The following DNAJB6 variants were observed in gnomAD, a reference collection of about 807,000 sequenced individuals.
The protein encoded by DNAJB6 is DnaJ heat shock protein family (Hsp40) member B6, also known as dnaJ homolog subfamily B member 6.
DNAJB6 carries 16 observed loss-of-function variants against 42.7 expected under a neutral mutation model. That is an observed-to-expected ratio of 0.37 (90% CI 0.25 to 0.57). The LOEUF is 0.57. Among genes scored for constraint, DNAJB6 ranks in the 20% least tolerant of loss-of-function variants. The pLI is 0.74. For synonymous variants in DNAJB6, 170 were observed against 163.5 expected (o/e 1.04, Z -0.30); for missense variants, 347 against 416.8 (o/e 0.83, Z 1.46).
At chr7:157,344,672 T>A (rs1463486929) in intron 1 of DNAJB6, among the ~76,000 whole-genome samples, 2 of 152,328 alleles carry the variant, frequency 1.3e-5, no homozygotes, top group Admixed American at 6.5e-5. Flanking sequence ...TGGAGGGCAT[T>A]GGTGCGTTCA....
chr7:157,412,837 C>A (rs1402287594), intron 9 of DNAJB6: 1 of 152,294 alleles, frequency 6.6e-6, no homozygotes, highest in African/African-American at 2.4e-5. Context: ...AGGTGTGCAG[C>A]CCCCAGGCCT....
intron 1 of DNAJB6, among the ~76,000 whole-genome samples, chr7:157,355,322 G>T (rs1041365328): frequency 6.6e-6 from 1 of 152,140 alleles, no homozygotes. Context: ...CACCTCTCTT[G>T]GCTAATTTTT....
chr7:157,344,343 C>T (rs1250063042), intron 1 of DNAJB6, among the ~76,000 whole-genome samples: 3 of 150,148 alleles, frequency 2.0e-5, no homozygotes, highest in Non-Finnish European at 4.4e-5. Flanking sequence ...GAGTGAGACT[C>T]CGTCTCAAAA....
chr7:157,378,271 C>T (rs1800572246), intron 5 of DNAJB6: 1 of 152,182 alleles, frequency 6.6e-6, no homozygotes, highest in Non-Finnish European at 1.5e-5. Context: ...AAGTTGGTAG[C>T]ACATTTGATT....
intron 8 of DNAJB6, among the ~76,000 whole-genome samples, chr7:157,387,061 C>T (rs551481159): frequency 6.6e-6 from 1 of 152,294 alleles, no homozygotes; most frequent in South Asian, 2.1e-4. Context: ...GAAGGACAGG[C>T]GGTTCCCTGA....
chr7:157,407,557 C>T (rs751835127), intron 8 of DNAJB6, among the ~76,000 whole-genome samples: 3 of 152,114 alleles, frequency 2.0e-5, no homozygotes, highest in African/African-American at 7.2e-5. Context: ...CTGCTGTGTG[C>T]GTGGGTCCCT....
intron 1 of DNAJB6, among the ~76,000 whole-genome samples, chr7:157,340,964 C>CTGTGTG (rs35976329): frequency 1.2e-3 from 170 of 146,194 alleles, no homozygotes; most frequent in South Asian, 1.7e-3. Flanking sequence ...CCGCACCTGG[C>CTGTGTG]TGTGTGTGTG....
chr7:157,371,131 C>T (rs774199079), intron 5 of DNAJB6, among the ~76,000 whole-genome samples: 9 of 152,170 alleles, frequency 5.9e-5, no homozygotes, highest in African/African-American at 9.7e-5. Context: ...CATTCCTCAT[C>T]AGAATCCAGT....
intron 5 of DNAJB6, chr7:157,379,502 CT>C (rs1228152112): frequency 6.6e-6 from 1 of 152,228 alleles, no homozygotes; most frequent in Non-Finnish European, 1.5e-5. Flanking sequence ...GCCTTTCTCA[CT>C]GTCACACTCT....
At chr7:157,366,659 G>A (rs1310937043) in intron 4 of DNAJB6, 98 bp downstream of exon 4, 38 of 1,134,960 alleles carry the variant, frequency 3.3e-5, no homozygotes, top group Non-Finnish European at 4.7e-5. Context: ...TTTTGTATCA[G>A]TAAATAGAGA....
intron 7 of DNAJB6, 41 bp from the exon 8 acceptor site, chr7:157,385,500 T>G (rs1801006077): frequency 8.1e-6 from 13 of 1,601,594 alleles, no homozygotes; most frequent in Non-Finnish European, 1.0e-5. Flanking sequence ...ACATGCATTT[T>G]CTTTACCAGA....
chr7:157,338,014 A>G (rs960424973), intron 1 of DNAJB6, among the ~76,000 whole-genome samples: 5 of 152,196 alleles, frequency 3.3e-5, no homozygotes, highest in Non-Finnish European at 5.9e-5. Flanking sequence ...CGGAGGCTTC[A>G]GCCTGTTTGG....
At chr7:157,385,044 G>C in intron 7 of DNAJB6, 36 bp downstream of exon 7, 1 of 1,603,282 alleles carries the variant, frequency 6.2e-7, no homozygotes, top group Non-Finnish European at 8.5e-7. Context: ...TTTTTAGTAA[G>C]CAGGCGTAAC....
intron 1 of DNAJB6, among the ~76,000 whole-genome samples, chr7:157,345,878 A>C (rs1362456890): frequency 6.6e-6 from 1 of 151,910 alleles, no homozygotes; most frequent in African/African-American, 2.4e-5. Context: ...ACTTCTTTTG[A>C]TTTAGTATAT....
At chr7:157,395,813 C>T (rs562986694) in intron 8 of DNAJB6, among the ~76,000 whole-genome samples, 1 of 150,918 alleles carries the variant, frequency 6.6e-6, no homozygotes, top group East Asian at 1.9e-4. Context: ...CCACCACACC[C>T]GGCTAATTCT....
At chr7:157,410,187 G>C (rs373555106) in intron 9 of DNAJB6, 186 bp downstream of exon 9, 39 of 1,357,292 alleles carry the variant, frequency 2.9e-5, no homozygotes, top group African/African-American at 9.1e-5. Context: ...CCCACGCCAC[G>C]GTGGCTCCGG....
intron 8 of DNAJB6, among the ~76,000 whole-genome samples, chr7:157,397,725 A>G (rs539611015): frequency 2.0e-5 from 3 of 152,264 alleles, no homozygotes; most frequent in Admixed American, 6.5e-5. Flanking sequence ...CCACCTCTTC[A>G]TAAGTAGCCA....
At chr7:157,366,965 G>A (rs1335519296) in intron 4 of DNAJB6, among the ~76,000 whole-genome samples, 2 of 152,208 alleles carry the variant, frequency 1.3e-5, no homozygotes, top group Admixed American at 1.3e-4. Context: ...AGCCTCCCCA[G>A]GGGTGTTGGG....
chr7:157,395,684 C>CTTTTTT (rs869242320), intron 8 of DNAJB6, among the ~76,000 whole-genome samples: 38 of 131,882 alleles, frequency 2.9e-4, no homozygotes, highest in Non-Finnish European at 3.4e-4. Flanking sequence ...TTTTTCTTTT[C>CTTTTTT]TTTTTTTTTT....
Sources: allele counts gnomAD v4.1 joint callset (sites outside exome capture counted in the v4.1 genomes callset), GRCh38; gene constraint gnomAD v4.1.1; transcripts MANE v1.5; gene names NCBI Gene and HGNC (gene_info 2026-07-23, HGNC 2026-07-21).